The following MELK variants were observed in gnomAD, a reference collection of about 807,000 sequenced individuals.
MELK encodes the protein pEg3 kinase.
Under a neutral mutation model 85.0 loss-of-function variants are expected in MELK, and 81 were observed. The observed-to-expected ratio is 0.95, with a 90% CI of 0.80 to 1.15. The LOEUF (loss-of-function observed/expected upper bound fraction) is 1.15. MELK is among the 50% of genes most tolerant of loss of function. The probability of loss-of-function intolerance (pLI) is 0.00; values close to 1 mark genes in which losing one functional copy is unlikely to be tolerated. For missense variants in MELK, 754 were observed against 777.5 expected (o/e 0.97, Z 0.36); for synonymous variants, 252 against 265.0 (o/e 0.95, Z 0.48).
At chr9:36,619,513 T>A (rs567594025) in intron 8 of MELK, among the ~76,000 whole-genome samples, 21 of 152,230 alleles carry the variant, frequency 1.4e-4, no homozygotes, top group African/African-American at 5.1e-4. Flanking sequence ...ATAACTAGAG[T>A]CATTTTATCC....
At chr9:36,662,443 C>T (rs1437554639) in intron 13 of MELK, among the ~76,000 whole-genome samples, 2 of 152,148 alleles carry the variant, frequency 1.3e-5, no homozygotes, top group East Asian at 3.9e-4. Context: ...AGGGTTTCAC[C>T]ATGTTGGCCA....
At chr9:36,596,330 A>G (rs1824232849) in intron 5 of MELK, among the ~76,000 whole-genome samples, 1 of 151,946 alleles carries the variant, frequency 6.6e-6, no homozygotes. Flanking sequence ...ATCTCCGCTC[A>G]CTGCAAGTTC....
At chr9:36,620,709 C>T (rs1827314618) in intron 8 of MELK, among the ~76,000 whole-genome samples, 1 of 151,890 alleles carries the variant, frequency 6.6e-6, no homozygotes, top group Non-Finnish European at 1.5e-5. Context: ...CACCACCACA[C>T]CCAGCTAATT....
At chr9:36,659,492 AGTCATTTAG>A (rs1297069350) in intron 13 of MELK, among the ~76,000 whole-genome samples, 3 of 152,200 alleles carry the variant, frequency 2.0e-5, no homozygotes, top group Non-Finnish European at 4.4e-5. Flanking sequence ...AAAGTCGTTA[AGTCATTTAG>A]GTCAGTGTTG....
rs144670498 is a variant in MELK at position 36,598,759 on chromosome 9, C to T, written c.475-635C>T. 3.7e-4 allele frequency among the ~76,000 whole-genome samples: 56 copies of T among 152,056 alleles called. 1 individual carries two copies. In the East Asian group the frequency reaches 9.5e-3, roughly 26 times the overall value. ...CCCGGGATACTTGGGGATGGAAAGA[C>T]GTGGATGCTTGGATATATGCTGGGC... On this transcript the variant is annotated intron_variant, in intron 6 of 17. Coordinates refer to ENST00000298048, the MANE Select transcript of MELK (RefSeq NM_014791.4).
chr9:36,669,326 G>C lies in MELK; in HGVS notation c.1425G>C (p.Leu475=). 1 of 1,608,852 alleles carries C rather than the reference G, an allele frequency of 6.2e-7. No homozygotes were observed. Among genetic ancestry groups the C allele is most frequent in the Non-Finnish European group, 8.5e-7 (1 of 1,177,790 alleles). Reference sequence around the variant, plus strand: ...TTCTAATAGCTAGAAACCAGTGCCTGAAAGAAACTCCAATTAAAATACCAG... The same window carrying C: ...TTCTAATAGCTAGAAACCAGTGCCTCAAAGAAACTCCAATTAAAATACCAG... ...TTPSKARNQC[L]KETPIKIPVN... The change falls in exon 15 of 18, where the codon CTG becomes CTC. Residue 475 remains leucine, a synonymous_variant. Transcript: ENST00000298048.
chr9:36,605,707 G>A (rs1825411613), intron 7 of MELK, among the ~76,000 whole-genome samples: 2 of 151,542 alleles, frequency 1.3e-5, no homozygotes, highest in Admixed American at 1.3e-4. Flanking sequence ...ATATGATTTG[G>A]TAGACAGGAC....
At chr9:36,633,518 C>T (rs1027820244) in intron 10 of MELK, among the ~76,000 whole-genome samples, 5 of 152,114 alleles carry the variant, frequency 3.3e-5, no homozygotes, top group African/African-American at 9.7e-5. Context: ...TTTGCAGAAC[C>T]TATTTATTCA....
chr9:36,665,331 A>G lies in MELK; in HGVS notation c.1177-19A>G, dbSNP rs767089118. 1 of 1,511,758 alleles carries G rather than the reference A, an allele frequency of 6.6e-7. No homozygotes were observed. The highest frequency in any genetic ancestry group is 9.1e-7 in the Non-Finnish European group (1 of 1,101,022). The allele number at this position is 1,511,758 out of a possible 1,614,324, so 93.6% of individuals were successfully genotyped here. A position where few individuals can be genotyped will look rare whatever the true frequency, so the allele number is the denominator to read the frequency against. ...TTTTCTTCTTCAGTGTGCTTTATCT[A>G]GTAACTTTTTTTTTCCAGTTTACCA... is the stretch of plus-strand genomic sequence containing the variant. On this transcript the variant is annotated intron_variant, in intron 13 of 17. Transcript: ENST00000298048.
chr9:36,622,009 T>C (rs1183513333), intron 8 of MELK, among the ~76,000 whole-genome samples: 1 of 152,214 alleles, frequency 6.6e-6, no homozygotes, highest in Non-Finnish European at 1.5e-5. Context: ...CAAATATCTT[T>C]GCAGTGGAAT....
chr9:36,615,081 C>CA lies in MELK; in HGVS notation c.666+7409dup, dbSNP rs1252958889. Among the ~76,000 whole-genome samples, 440 of 132,838 alleles carry CA rather than the reference C, an allele frequency of 3.3e-3. 11 individuals are homozygous for CA. Among genetic ancestry groups the CA allele is most frequent in the South Asian group, 6.4e-3 (24 of 3,742 alleles). 87.1% of individuals were successfully genotyped at this position (132,838 alleles called of 152,430 possible). On this transcript the variant is annotated intron_variant, in intron 8 of 17. Coordinates refer to ENST00000298048, the MANE Select transcript of MELK (RefSeq NM_014791.4). ...CGGGCGGGGGGGCTGACCCCCCCCC[C>CA]ACCTCCCTCCCGGACGGGGCGGCTG...
rs371149443 is a variant in MELK at position 36,667,294 on chromosome 9, T to A, written c.1408+1713T>A. 8.5e-5 allele frequency among the ~76,000 whole-genome samples: 13 copies of A among 152,186 alleles called. No individual in the cohort carries two copies. In the East Asian group the frequency reaches 2.1e-3, roughly 25 times the overall value. ...CCTCAGCCTCCCTAGTAGCTGGGAT[T>A]ACAGGCGCCTGCTACCACGCTCAGC... is the stretch of plus-strand genomic sequence containing the variant. On this transcript the variant is annotated intron_variant, in intron 14 of 17. Coordinates refer to ENST00000298048, the MANE Select transcript of MELK (RefSeq NM_014791.4).
intron 8 of MELK, among the ~76,000 whole-genome samples, chr9:36,612,399 T>C (rs942282091): frequency 6.6e-6 from 1 of 151,910 alleles, no homozygotes; most frequent in Admixed American, 6.6e-5. Context: ...CTGGCAATTA[T>C]TTTTGAGACA....
intron 7 of MELK, among the ~76,000 whole-genome samples, chr9:36,601,130 CCA>C (rs1824877491): frequency 6.6e-6 from 1 of 151,944 alleles, no homozygotes; most frequent in African/African-American, 2.4e-5. Flanking sequence ...TCTTTTATAA[CCA>C]CACTTTAGTA....
intron 10 of MELK, among the ~76,000 whole-genome samples, chr9:36,639,611 G>A (rs1250831458): frequency 6.6e-6 from 1 of 152,206 alleles, no homozygotes; most frequent in Non-Finnish European, 1.5e-5. Context: ...ATTTGAGTAT[G>A]TGTGGCTGAG....
At chr9:36,628,440 A>G (rs1828149150) in intron 8 of MELK, among the ~76,000 whole-genome samples, 1 of 150,830 alleles carries the variant, frequency 6.6e-6, no homozygotes, top group African/African-American at 2.4e-5. Context: ...TTTTTTTTTG[A>G]GACGGAATCT....
chr9:36,609,727 C>T (rs1352815042), intron 8 of MELK, among the ~76,000 whole-genome samples: 1 of 152,164 alleles, frequency 6.6e-6, no homozygotes, highest in African/African-American at 2.4e-5. Flanking sequence ...GCTGAGATTA[C>T]AGGTGTGAGC....
chr9:36,654,589 C>T (rs1587581512), intron 12 of MELK, among the ~76,000 whole-genome samples: 1 of 151,956 alleles, frequency 6.6e-6, no homozygotes, highest in African/African-American at 2.4e-5. Context: ...CTCCAGACCT[C>T]AGATGATCCA....
chr9:36,604,987 C>G (rs1021697452), intron 7 of MELK, among the ~76,000 whole-genome samples: 1 of 151,730 alleles, frequency 6.6e-6, no homozygotes, highest in African/African-American at 2.4e-5. Flanking sequence ...TTGCTCTTGT[C>G]CCCCAGGCTG....
Sources: gnomAD v4.1 joint callset for allele counts (sites outside exome capture counted in the v4.1 genomes callset) on GRCh38, gnomAD v4.1.1 for gene constraint, MANE v1.5 for transcripts, NCBI Gene and HGNC (gene_info 2026-07-23, HGNC 2026-07-21) for gene names.